Variants in NIM1K observed in about 807,000 individuals in gnomAD.
The protein encoded by NIM1K is NIM1 serine/threonine protein kinase, also known as serine/threonine-protein kinase NIM1.
Under a neutral mutation model 37.1 loss-of-function variants are expected in NIM1K, and 35 were observed. The observed-to-expected ratio is 0.94, with a 90% CI of 0.72 to 1.25. NIM1K has a LOEUF of 1.25. Among genes scored for constraint, NIM1K ranks in the 50% most tolerant of loss-of-function variants. NIM1K has a pLI of 0.00. For missense variants in NIM1K, 564 were observed against 548.0 expected (o/e 1.03, Z -0.29); for synonymous variants, 234 against 206.6 (o/e 1.13, Z -1.14).
Position 43,242,805 on chromosome 5 carries a change from C to CT in NIM1K, c.-694-2264dup, listed in dbSNP as rs111607810. On this transcript the variant is annotated intron_variant, in intron 1 of 3. Transcript: ENST00000326035. ...AGCACAAGTTCCTGCCCACCTGGTG[C>CT]TTTTTTTTTTTTTCAGATGGCGTTT... is the stretch of plus-strand genomic sequence containing the variant. The CT allele has an allele frequency of 1.1e-3, 158 of 141,158 alleles. 1 individual carries two copies. The highest frequency in any genetic ancestry group is 2.0e-3 in the East Asian group (10 of 4,942). 8.7% of individuals were successfully genotyped at this position (141,158 alleles called of 1,614,324 possible).
chr5:43,255,754 A>AAAAAAGAAAG lies in NIM1K; in HGVS notation c.292+9690_292+9691insAAGAAAGAAA, dbSNP rs112325348. 9.8e-3 allele frequency among the ~76,000 whole-genome samples: 1,298 copies of AAAAAAGAAAG among 131,842 alleles called. 8 individuals carry two copies. The highest frequency in any genetic ancestry group is 0.014 in the African/African-American group (492 of 35,664). 86.5% of individuals were successfully genotyped at this position (131,842 alleles called of 152,430 possible). ...CAGAGCCAGACTCTGTCTCAAAAAA[A>AAAAAAGAAAG]AAAGAAAGAAAGAAAGAAAGAAAGA... On this transcript the variant is annotated intron_variant, in intron 2 of 3. Transcript: ENST00000326035.
chr5:43,205,804 C>G (rs1012383137), intron 1 of NIM1K, among the ~76,000 whole-genome samples: 2 of 152,136 alleles, frequency 1.3e-5, no homozygotes, highest in Non-Finnish European at 2.9e-5. Flanking sequence ...GCTCCACCTC[C>G]CGGGTTCACG....
At chr5:43,240,886 AACAGT>A (rs1343412971) in intron 1 of NIM1K, among the ~76,000 whole-genome samples, 3 of 151,890 alleles carry the variant, frequency 2.0e-5, no homozygotes, top group Admixed American at 1.3e-4. Flanking sequence ...CCCACCTCTT[AACAGT>A]ATATCTTGGA....
intron 2 of NIM1K, among the ~76,000 whole-genome samples, chr5:43,266,427 G>A (rs188843505): frequency 4.6e-5 from 7 of 152,338 alleles, no homozygotes; most frequent in Admixed American, 2.0e-4. Context: ...AGCCAGGTGC[G>A]GGATATGATC....
At chr5:43,232,004 C>A (rs1258321849) in intron 1 of NIM1K, 1 of 1,035,728 alleles carries the variant, frequency 9.7e-7, no homozygotes, top group East Asian at 3.6e-5. Context: ...TCCAGGTGAG[C>A]CCAGGCCTCA....
At chr5:43,202,560 TG>T (rs1293637880) in intron 1 of NIM1K, among the ~76,000 whole-genome samples, 8 of 152,316 alleles carry the variant, frequency 5.3e-5, no homozygotes, top group Middle Eastern at 3.4e-3. Context: ...CTAGTGTGCT[TG>T]GGTAATCAAG....
intron 1 of NIM1K, among the ~76,000 whole-genome samples, chr5:43,243,297 T>C (rs1178213871): frequency 6.6e-6 from 1 of 152,204 alleles, no homozygotes; most frequent in Non-Finnish European, 1.5e-5. Context: ...TCTTGCAGAA[T>C]TACTACTTCA....
chr5:43,216,803 G>C (rs1269905482), intron 1 of NIM1K, among the ~76,000 whole-genome samples: 1 of 152,168 alleles, frequency 6.6e-6, no homozygotes, highest in Non-Finnish European at 1.5e-5. Context: ...GCAGAGATGG[G>C]AATGACAGAA....
chr5:43,241,533 G>A (rs993377927), intron 1 of NIM1K, among the ~76,000 whole-genome samples: 3 of 151,722 alleles, frequency 2.0e-5, no homozygotes, highest in Non-Finnish European at 4.4e-5. Flanking sequence ...TAGAGACGAG[G>A]TTTCACCATG....
At chr5:43,276,412 A>G (rs1332293548) in intron 2 of NIM1K, among the ~76,000 whole-genome samples, 1 of 152,238 alleles carries the variant, frequency 6.6e-6, no homozygotes, top group East Asian at 1.9e-4. Context: ...GTGAACTCAG[A>G]GCGAGAGCTC....
At chr5:43,218,750 TCTG>T (rs1261720601) in intron 1 of NIM1K, among the ~76,000 whole-genome samples, 1 of 151,432 alleles carries the variant, frequency 6.6e-6, no homozygotes, top group Non-Finnish European at 1.5e-5. Flanking sequence ...TGAGTCTCAT[TCTG>T]TCTCCCAGGC....
At chr5:43,206,007 C>T (rs967401464) in intron 1 of NIM1K, among the ~76,000 whole-genome samples, 10 of 152,114 alleles carry the variant, frequency 6.6e-5, no homozygotes, top group African/African-American at 9.7e-5. Context: ...CTTCCGCGCC[C>T]GGCCTGCTTG....
intron 1 of NIM1K, among the ~76,000 whole-genome samples, chr5:43,198,283 CCTTT>C (rs1322405507): frequency 4.1e-5 from 6 of 145,744 alleles, no homozygotes; most frequent in Non-Finnish European, 6.0e-5. Context: ...CTCTTTCTCT[CCTTT>C]CTTCCTTCCT....
chr5:43,213,471 C>T (rs1475766288), intron 1 of NIM1K, among the ~76,000 whole-genome samples: 181 of 150,470 alleles, frequency 1.2e-3, no homozygotes, highest in Non-Finnish European at 1.9e-4. Flanking sequence ...CTGGGATTAC[C>T]GGCATGCACC....
intron 1 of NIM1K, chr5:43,233,014 C>A: frequency 8.2e-7 from 1 of 1,214,906 alleles, no homozygotes. Context: ...GCCCGTCTCA[C>A]TGAAGAAGCT....
intron 1 of NIM1K, among the ~76,000 whole-genome samples, chr5:43,201,356 C>T (rs915707232): frequency 2.7e-5 from 4 of 150,738 alleles, no homozygotes; most frequent in African/African-American, 9.8e-5. Flanking sequence ...TTGCAGTGAG[C>T]GGAGATGGAA....
rs147724810 is a variant in NIM1K at position 43,270,813 on chromosome 5, G to A, written c.293-6244G>A. Among the ~76,000 whole-genome samples the A allele has an allele frequency of 9.5e-3, 1,451 of 152,198 alleles. 9 individuals are homozygous for A. Among genetic ancestry groups the A allele is most frequent in the Middle Eastern group, 0.017 (5 of 294 alleles). ...AGACAGGGGAACTTAGGGAGTGCCC[G>A]AAGGCATGATAACATTAATAGAGAT... On this transcript the variant is annotated intron_variant, in intron 2 of 3. Coordinates refer to ENST00000326035, the MANE Select transcript of NIM1K (RefSeq NM_153361.4).
chr5:43,239,925 T>C (rs1199862578), intron 1 of NIM1K, among the ~76,000 whole-genome samples: 1 of 152,118 alleles, frequency 6.6e-6, no homozygotes, highest in Non-Finnish European at 1.5e-5. Context: ...TCCTGAATTA[T>C]CTTTTTATTT....
At chr5:43,262,402 T>C (rs1753044845) in intron 2 of NIM1K, among the ~76,000 whole-genome samples, 2 of 152,312 alleles carry the variant, frequency 1.3e-5, no homozygotes, top group South Asian at 2.1e-4. Context: ...ATGATTTGGC[T>C]CTCTCTTTGT....
Sources: gnomAD v4.1 joint callset for allele counts (sites outside exome capture counted in the v4.1 genomes callset) on GRCh38, gnomAD v4.1.1 for gene constraint, MANE v1.5 for transcripts, NCBI Gene and HGNC (gene_info 2026-07-23, HGNC 2026-07-21) for gene names.